MFF: variants seen among roughly 807,000 people sequenced by gnomAD.
MFF encodes mitochondrial fission factor.
In MFF, 12 loss-of-function variants were observed where a neutral mutation model predicts 36.9. The ratio of observed to expected loss-of-function variants is 0.33; its 90% CI spans 0.21 to 0.53. The LOEUF is 0.53. MFF is among the 20% of genes least tolerant of loss of function. MFF has a pLI of 0.95. For synonymous variants in MFF, 99 were observed against 126.2 expected (o/e 0.78, Z 1.44); for missense variants, 348 against 366.6 (o/e 0.95, Z 0.42).
intron 4 of MFF, among the ~76,000 whole-genome samples, chr2:227,336,326 A>C (rs899988913): frequency 6.6e-6 from 1 of 152,256 alleles, no homozygotes; most frequent in African/African-American, 2.4e-5. Context: ...ACTGGTCTAA[A>C]GATAGAGAGT....
intron 6 of MFF, among the ~76,000 whole-genome samples, chr2:227,350,554 A>G (rs2075943378): frequency 6.6e-6 from 1 of 152,182 alleles, no homozygotes; most frequent in Non-Finnish European, 1.5e-5. Flanking sequence ...CCCTATAAAT[A>G]TACAGCTTGG....
chr2:227,342,729 A>G (rs761805211), intron 5 of MFF: 3 of 1,599,110 alleles, frequency 1.9e-6, no homozygotes, highest in East Asian at 2.2e-5. Flanking sequence ...TAAAAGAAGC[A>G]TAATTATTAT....
intron 4 of MFF, 110 bp from the exon 5 acceptor site, chr2:227,340,181 GT>G (rs1207250293): frequency 9.9e-6 from 8 of 806,678 alleles, no homozygotes; most frequent in Non-Finnish European, 1.3e-5. Context: ...CCTTTTCTTA[GT>G]TCGTTGTAAG....
intron 2 of MFF, chr2:227,330,205 G>T (rs2106343323): frequency 5.8e-6 from 1 of 173,242 alleles, no homozygotes; most frequent in East Asian, 1.6e-4. Context: ...ATTTTTTCAT[G>T]CATGACAGTA....
In MFF at chr2:227,340,386, T is replaced by TAGA; in HGVS notation, c.440+9_440+11dup. ...CTGGTCAGAAATGATTCTCTGTGAG[T>TAGA]AGAAGCACTAGCATTTTATCTCGTT... On this transcript the variant is annotated splice_region_variant and intron_variant, in intron 5 of 8. Coordinates refer to ENST00000304593, the MANE Select transcript of MFF (RefSeq NM_001277062.2). The TAGA allele has an allele frequency of 6.2e-7, 1 of 1,605,300 alleles. No homozygotes were observed. The highest frequency in any genetic ancestry group is 8.5e-7 in the Non-Finnish European group (1 of 1,172,152).
intron 4 of MFF, among the ~76,000 whole-genome samples, chr2:227,333,599 A>G (rs1160156938): frequency 5.3e-5 from 8 of 152,230 alleles, no homozygotes; most frequent in Admixed American, 5.2e-4. Flanking sequence ...TTTCAGCAGG[A>G]CAATGATATG....
chr2:227,357,002 G>A lies in MFF; in HGVS notation c.761G>A (p.Arg254Lys). Residue 254 changes from arginine (R) to lysine (K), a missense_variant, in exon 9 of 9, where the codon AGA becomes AAA. Arg to Lys is a conservative substitution (Grantham distance 26, BLOSUM62 2). Transcript: ENST00000304593. ...TTCACTTAGATAATCAAACTAAATA[G>A]ACGTCTACAACTTCTGGAAGAGGAG... ...SLRRQIIKLN[R>K]RLQLLEEENK... is the part of the protein sequence containing the mutation. The A allele has an allele frequency of 1.2e-6, 2 of 1,612,444 alleles. No individual in the cohort carries two copies. Among genetic ancestry groups the A allele is most frequent in the Non-Finnish European group, 8.5e-7 (1 of 1,178,896 alleles).
At chr2:227,356,046 G>T (rs2076239004) in intron 8 of MFF, among the ~76,000 whole-genome samples, 2 of 152,172 alleles carry the variant, frequency 1.3e-5, no homozygotes, top group Non-Finnish European at 2.9e-5. Context: ...TTGAAATGTG[G>T]AACAATTACT....
At chr2:227,343,630 T>TC (rs1381175126) in intron 5 of MFF, among the ~76,000 whole-genome samples, 2 of 152,196 alleles carry the variant, frequency 1.3e-5, no homozygotes, top group African/African-American at 4.8e-5. Flanking sequence ...GAGTGATACC[T>TC]CACCGAAGAG....
At chr2:227,327,803 T>C (rs1219333999) in intron 1 of MFF, among the ~76,000 whole-genome samples, 1 of 152,234 alleles carries the variant, frequency 6.6e-6, no homozygotes, top group Non-Finnish European at 1.5e-5. Context: ...AAACTTCAAT[T>C]TATAATGGCC....
intron 5 of MFF, 78 bp from the exon 6 acceptor site, chr2:227,347,148 T>TA: frequency 7.6e-7 from 1 of 1,310,058 alleles, no homozygotes; most frequent in Middle Eastern, 1.9e-4. Flanking sequence ...AAAATTAAGA[T>TA]AAAGACTGCT....
chr2:227,347,484 CCT>C, intron 6 of MFF, 100 bp downstream of exon 6: 2 of 937,898 alleles, frequency 2.1e-6, no homozygotes, highest in South Asian at 3.1e-5. Context: ...TACCTTCTAG[CCT>C]CTTTCTAAGA....
At chr2:227,337,893 C>A (rs2075126022) in intron 4 of MFF, among the ~76,000 whole-genome samples, 2 of 151,428 alleles carry the variant, frequency 1.3e-5, no homozygotes, top group Admixed American at 6.6e-5. Context: ...CCAAAAAATA[C>A]AAAAATTAGC....
Position 227,332,476 on chromosome 2 carries a change from C to T in MFF, c.239C>T (p.Thr80Ile), listed in dbSNP as rs1488352364. The change falls in exon 4 of 9, where the codon ACT becomes ATT. Residue 80 changes from threonine (T) to isoleucine (I), a missense_variant. Coordinates refer to ENST00000304593, the MANE Select transcript of MFF (RefSeq NM_001277062.2). ...GCAGATCTTGACCTTATTCAGTCAA[C>T]TCCCTTTAAACCCCTGGCACTGAAA... ...RPADLDLIQS[T>I]PFKPLALKTP... The T allele has an allele frequency of 1.2e-6, 2 of 1,613,646 alleles. No individual in the cohort carries two copies. Among genetic ancestry groups the T allele is most frequent in the Non-Finnish European group, 8.5e-7 (1 of 1,179,702 alleles).
chr2:227,332,514 G>T lies in MFF; in HGVS notation c.277G>T (p.Val93Leu). 6.2e-7 allele frequency: 1 copy of T among 1,613,604 alleles called. No individual in the cohort carries two copies. The highest frequency in any genetic ancestry group is 8.5e-7 in the Non-Finnish European group (1 of 1,179,600). Residue 93 changes from valine (V) to leucine (L), a missense_variant, in exon 4 of 9, where the codon GTA (valine) becomes TTA (leucine). Transcript: ENST00000304593. ...KPLALKTPPR[V>L]LTLSERPLDF... ...CCTGGCACTGAAAACACCACCTCGT[G>T]TACTTACGCTGAGTGAAAGACCACT...
chr2:227,344,425 G>C (rs1056910111), intron 5 of MFF, among the ~76,000 whole-genome samples: 1 of 152,156 alleles, frequency 6.6e-6, no homozygotes, highest in East Asian at 1.9e-4. Flanking sequence ...ATGAGTGGAC[G>C]GAGATGAAAG....
intron 4 of MFF, among the ~76,000 whole-genome samples, chr2:227,335,501 T>C (rs373252246): frequency 1.4e-4 from 22 of 152,186 alleles, no homozygotes; most frequent in African/African-American, 5.3e-4. Flanking sequence ...TGGTTAAAAT[T>C]GTGTATGTTA....
chr2:227,347,412 G>A, intron 6 of MFF, 28 bp downstream of exon 6: 1 of 1,608,890 alleles, frequency 6.2e-7, no homozygotes, highest in South Asian at 1.1e-5. Flanking sequence ...ACTCTTGACA[G>A]CTTTATTGCA....
chr2:227,353,190 A>G (rs2076086580), intron 7 of MFF, among the ~76,000 whole-genome samples: 1 of 152,200 alleles, frequency 6.6e-6, no homozygotes, highest in Non-Finnish European at 1.5e-5. Context: ...TGACACGCAC[A>G]GAGGCTGGCA....
Sources: allele counts gnomAD v4.1 joint callset (sites outside exome capture counted in the v4.1 genomes callset), GRCh38; gene constraint gnomAD v4.1.1; transcripts MANE v1.5; gene names NCBI Gene and HGNC (gene_info 2026-07-23, HGNC 2026-07-21).